The following ARSG variants were observed in gnomAD, a reference collection of about 807,000 sequenced individuals.
The protein encoded by ARSG is arylsulfatase G, also known as ASG.
A neutral mutation model predicts 50.5 loss-of-function variants in ARSG; 37 were observed. That is an observed-to-expected ratio of 0.73 (90% CI 0.56 to 0.96). The LOEUF is 0.96. Among genes scored for constraint, ARSG ranks in the 50% least tolerant of loss-of-function variants. ARSG has a pLI of 0.00. For missense variants in ARSG, 629 were observed against 675.3 expected, an observed-to-expected ratio of 0.93 and a Z score of 0.76; for synonymous variants, 225 against 254.6, an observed-to-expected ratio of 0.88 and a Z score of 1.11.
At chr17:68,433,499 G>A in the ARSG span, 1 of 1,614,070 alleles carries the variant, frequency 6.2e-7, no homozygotes. Flanking sequence ...TTGAAGATGT[G>A]TACCGTCTCG....
chr17:68,432,625 G>A, the ARSG span, among the ~76,000 whole-genome samples: 3 of 151,940 alleles, frequency 2.0e-5, no homozygotes, highest in African/African-American at 4.8e-5. Context: ...CCTCTGTTAC[G>A]TATGTGTTAG....
chr17:68,321,135 A>G (rs2077265722), intron 2 of ARSG, among the ~76,000 whole-genome samples: 1 of 152,070 alleles, frequency 6.6e-6, no homozygotes, highest in Non-Finnish European at 1.5e-5. Context: ...GCTCCTGTAA[A>G]TAGTCACTGC....
chr17:68,291,704 C>T (rs1555756131), intron 1 of ARSG, 136 bp downstream of exon 1: 1 of 151,756 alleles, frequency 6.6e-6, no homozygotes, highest in Non-Finnish European at 1.5e-5. Flanking sequence ...TGCTGCAACG[C>T]TAGTAGGAGC....
the ARSG span, among the ~76,000 whole-genome samples, chr17:68,432,288 G>GA: frequency 6.6e-6 from 1 of 152,182 alleles, no homozygotes; most frequent in Non-Finnish European, 1.5e-5. Flanking sequence ...TGGCTCAGGT[G>GA]ACCTCAGGCA....
At chr17:68,371,281 C>A (rs2079828476) in intron 8 of ARSG, among the ~76,000 whole-genome samples, 1 of 141,114 alleles carries the variant, frequency 7.1e-6, no homozygotes, top group African/African-American at 2.7e-5. Flanking sequence ...CTGAGATCTG[C>A]ACTCCAGCCT....
At chr17:68,295,528 G>C (rs968725793) in intron 1 of ARSG, among the ~76,000 whole-genome samples, 23 of 151,814 alleles carry the variant, frequency 1.5e-4, no homozygotes, top group South Asian at 1.0e-3. Flanking sequence ...ATTATCTCAA[G>C]CCTGTTGCAA....
chr17:68,353,249 C>T (rs2078883784), intron 5 of ARSG, among the ~76,000 whole-genome samples: 2 of 151,848 alleles, frequency 1.3e-5, no homozygotes. Flanking sequence ...CTTATGTTGC[C>T]CAGGTTACAC....
At chr17:68,436,466 G>C in the ARSG span, 1 of 1,613,928 alleles carries the variant, frequency 6.2e-7, no homozygotes, top group Non-Finnish European at 8.5e-7. Flanking sequence ...GGTTGATAGA[G>C]AGAGCACATA....
rs1412464545 is a variant in ARSG at position 68,307,660 on chromosome 17, C to T, written c.167C>T (p.Ala56Val). Residue 56 changes from alanine (A) to valine (V), a missense_variant, in exon 2 of 12, where the codon GCA (alanine) becomes GTA (valine). Ala to Val is a moderately conservative substitution (Grantham distance 64). Transcript: ENST00000621439. Reference protein sequence around the residue: ...MGWGDLGANWAETKDTANLDK... With the variant: ...MGWGDLGANWVETKDTANLDK... ...TGGGGTGACCTGGGAGCAAACTGGGCAGAAACAAAGGACACTGCCAACCTT... is the reference window on the plus strand; with the variant it reads ...TGGGGTGACCTGGGAGCAAACTGGGTAGAAACAAAGGACACTGCCAACCTT... 2 of 1,610,790 alleles carry T rather than the reference C, an allele frequency of 1.2e-6. No individual in the cohort carries two copies. Among genetic ancestry groups the T allele is most frequent in the Non-Finnish European group, 1.7e-6 (2 of 1,177,038 alleles).
At chr17:68,414,160 T>A (rs1056024081) in intron 11 of ARSG, 1 of 152,488 alleles carries the variant, frequency 6.6e-6, no homozygotes, top group African/African-American at 2.4e-5. Flanking sequence ...GGGTTTCTTA[T>A]AGATGGCTTT....
intron 2 of ARSG, among the ~76,000 whole-genome samples, chr17:68,327,187 T>C (rs2077539938): frequency 6.6e-6 from 1 of 151,004 alleles, no homozygotes; most frequent in South Asian, 2.1e-4. Flanking sequence ...AGCTGGAGAG[T>C]TGAGTGGGGC....
At chr17:68,298,594 CAAAAAA>C (rs562725952) in intron 1 of ARSG, among the ~76,000 whole-genome samples, 4 of 64,852 alleles carry the variant, frequency 6.2e-5, no homozygotes, top group South Asian at 6.3e-4. Context: ...GATCCTGTCT[CAAAAAA>C]AAAAAAAAAA....
At chr17:68,316,480 C>A (rs556543026) in intron 2 of ARSG, among the ~76,000 whole-genome samples, 57 of 152,330 alleles carry the variant, frequency 3.7e-4, no homozygotes, top group African/African-American at 1.1e-3. Flanking sequence ...GGTGCTCAAA[C>A]AATAATTGTT....
chr17:68,347,572 C>CT (rs1309870330), intron 4 of ARSG, among the ~76,000 whole-genome samples: 1 of 152,206 alleles, frequency 6.6e-6, no homozygotes, highest in Admixed American at 6.5e-5. Flanking sequence ...ACAGGAGATG[C>CT]TGCCTCTTGG....
At chr17:68,430,007 A>ACAGATGTT in the ARSG span, 1 of 1,614,162 alleles carries the variant, frequency 6.2e-7, no homozygotes, top group Non-Finnish European at 8.5e-7. Context: ...TTGAGAGGGT[A>ACAGATGTT]CAGATGTTCC....
intron 1 of ARSG, chr17:68,274,248 T>C: frequency 1.8e-6 from 1 of 561,186 alleles, no homozygotes; most frequent in Non-Finnish European, 3.0e-6. Flanking sequence ...GGAGGATCGC[T>C]TGAGCCCAGG....
chr17:68,351,648 T>G lies in ARSG; in HGVS notation c.528T>G (p.Pro176=). Residue 176 remains proline, a synonymous_variant, in exon 5 of 12, where the codon CCT becomes CCG. Coordinates refer to ENST00000621439, the MANE Select transcript of ARSG (RefSeq NM_001267727.2). ...CTGATACTCCAGGCTACAACCACCC[T>G]CCTTGTCCAGCGTGTCCACAGGGTG... The part of the protein sequence containing the change: ...GCTDTPGYNH[P]PCPACPQGDG... 1 of 1,613,842 alleles carries G rather than the reference T, an allele frequency of 6.2e-7. No homozygotes were observed. The highest frequency in any genetic ancestry group is 8.5e-7 in the Non-Finnish European group (1 of 1,179,786).
chr17:68,426,252 G>GGGGGT, downstream of ARSG: 8 of 828,168 alleles, frequency 9.7e-6, 1 homozygote, highest in Admixed American at 4.7e-5. Flanking sequence ...TGGGGAGCGG[G>GGGGGT]GGCTCAAATA....
intron 2 of ARSG, among the ~76,000 whole-genome samples, chr17:68,325,885 A>G (rs2145924229): frequency 6.6e-6 from 1 of 152,342 alleles, no homozygotes; most frequent in East Asian, 1.9e-4. Flanking sequence ...GTCATGGGCC[A>G]GTTCACCAAG....
Sources: gnomAD v4.1 joint callset for allele counts (sites outside exome capture counted in the v4.1 genomes callset) on GRCh38, gnomAD v4.1.1 for gene constraint, MANE v1.5 for transcripts, NCBI Gene and HGNC (gene_info 2026-07-23, HGNC 2026-07-21) for gene names.